Variants in ESRRG observed in about 807,000 individuals in gnomAD.
ESRRG encodes the protein estrogen related receptor gamma, also known as estrogen-related receptor gamma.
In ESRRG, 13 loss-of-function variants were observed where a neutral mutation model predicts 44.0. That is an observed-to-expected ratio of 0.30 (90% CI 0.19 to 0.47). The LOEUF (loss-of-function observed/expected upper bound fraction) is 0.47. Ranked by LOEUF, ESRRG falls within the 20% of genes least tolerant of loss-of-function variation. ESRRG has a pLI of 1.00. For missense variants in ESRRG, 395 were observed against 580.6 expected, an observed-to-expected ratio of 0.68 and a Z score of 3.29; for synonymous variants, 215 against 214.6, an observed-to-expected ratio of 1.00 and a Z score of -0.02.
At chr1:216,821,556 A>G (rs962669667) in intron 2 of ESRRG, among the ~76,000 whole-genome samples, 1 of 151,326 alleles carries the variant, frequency 6.6e-6, no homozygotes, top group Non-Finnish European at 1.5e-5. Flanking sequence ...GTAGTGGCCT[A>G]TTCCCGTAGT....
intron 1 of ESRRG, among the ~76,000 whole-genome samples, chr1:217,131,882 G>C (rs1475644186): frequency 6.6e-6 from 1 of 152,148 alleles, no homozygotes; most frequent in South Asian, 2.1e-4. Context: ...CTGGGTTTCA[G>C]GCCTCAGCTC....
intron 3 of ESRRG, among the ~76,000 whole-genome samples, chr1:216,601,439 G>A (rs1258634703): frequency 6.6e-6 from 1 of 152,200 alleles, no homozygotes; most frequent in East Asian, 1.9e-4. Context: ...TGGAGGGAGC[G>A]CATCAGAGAC....
At chr1:217,126,240 C>T (rs1265356252) in intron 1 of ESRRG, among the ~76,000 whole-genome samples, 1 of 152,112 alleles carries the variant, frequency 6.6e-6, no homozygotes, top group African/African-American at 2.4e-5. Context: ...TACCCACCCA[C>T]CCCGTAGCAC....
chr1:216,931,181 C>T (rs1262671164), intron 2 of ESRRG, among the ~76,000 whole-genome samples: 10 of 152,148 alleles, frequency 6.6e-5, no homozygotes, highest in South Asian at 2.1e-4. Flanking sequence ...ATGACATGCA[C>T]GTTTCTCCTA....
At chr1:216,987,532 G>A (rs892156396) in intron 1 of ESRRG, among the ~76,000 whole-genome samples, 3 of 152,158 alleles carry the variant, frequency 2.0e-5, no homozygotes, top group Admixed American at 1.3e-4. Flanking sequence ...AAATTTCAGG[G>A]GAAGAAGACA....
chr1:216,906,374 G>A (rs1047377728), intron 2 of ESRRG, among the ~76,000 whole-genome samples: 3 of 152,174 alleles, frequency 2.0e-5, no homozygotes, highest in African/African-American at 7.2e-5. Context: ...GACTAAGGTG[G>A]AGGGAGAGGC....
chr1:216,535,326 A>G (rs2050612395), intron 5 of ESRRG, among the ~76,000 whole-genome samples: 1 of 152,054 alleles, frequency 6.6e-6, no homozygotes, highest in South Asian at 2.1e-4. Context: ...CTCCAGACTA[A>G]ACCTTCCACT....
At chr1:216,914,789 A>G (rs1268642929) in intron 2 of ESRRG, among the ~76,000 whole-genome samples, 2 of 152,138 alleles carry the variant, frequency 1.3e-5, no homozygotes, top group Admixed American at 6.5e-5. Context: ...AATGCAGTCT[A>G]TGAAGCACTG....
chr1:216,576,041 G>T (rs1406356737), intron 3 of ESRRG, among the ~76,000 whole-genome samples: 1 of 151,958 alleles, frequency 6.6e-6, no homozygotes, highest in Non-Finnish European at 1.5e-5. Flanking sequence ...GAGACTGAGG[G>T]ATATTAATTT....
At chr1:216,793,020 A>G (rs1275143151) in intron 2 of ESRRG, among the ~76,000 whole-genome samples, 1 of 152,220 alleles carries the variant, frequency 6.6e-6, no homozygotes, top group Non-Finnish European at 1.5e-5. Flanking sequence ...GAATTTCTAT[A>G]AAACAAATTT....
At chr1:216,996,402 GAGA>G (rs1400180821) in intron 1 of ESRRG, among the ~76,000 whole-genome samples, 1 of 151,858 alleles carries the variant, frequency 6.6e-6, no homozygotes, top group African/African-American at 2.4e-5. Flanking sequence ...AGGAAAAACA[GAGA>G]AGAAGATAGG....
intron 1 of ESRRG, among the ~76,000 whole-genome samples, chr1:217,065,415 C>T (rs1441801893): frequency 6.6e-6 from 1 of 152,306 alleles, no homozygotes; most frequent in East Asian, 1.9e-4. Context: ...TAAAGGTGTT[C>T]TTGGAGAATC....
At chr1:216,968,637 G>C (rs903863055) in intron 1 of ESRRG, among the ~76,000 whole-genome samples, 3 of 149,994 alleles carry the variant, frequency 2.0e-5, no homozygotes, top group Admixed American at 2.0e-4. Flanking sequence ...GATTACTGTA[G>C]CTTTAAAGTA....
intron 3 of ESRRG, among the ~76,000 whole-genome samples, chr1:216,627,487 C>T (rs1342005943): frequency 6.6e-6 from 1 of 152,168 alleles, no homozygotes; most frequent in African/African-American, 2.4e-5. Flanking sequence ...CTGATTTTTA[C>T]AGTATGGTGC....
At chr1:217,097,131 G>T (rs557438233) in intron 1 of ESRRG, among the ~76,000 whole-genome samples, 1 of 152,172 alleles carries the variant, frequency 6.6e-6, no homozygotes, top group African/African-American at 2.4e-5. Context: ...GGGAGGATCA[G>T]GATTGCGAAT....
chr1:217,118,988 A>G (rs1385672842), intron 1 of ESRRG, among the ~76,000 whole-genome samples: 8 of 150,640 alleles, frequency 5.3e-5, no homozygotes, highest in Non-Finnish European at 1.2e-4. Context: ...GTGAGACCCT[A>G]TCTCTAGAAA....
chr1:216,762,859 A>C (rs2092871463), intron 2 of ESRRG, among the ~76,000 whole-genome samples: 1 of 152,078 alleles, frequency 6.6e-6, no homozygotes, highest in African/African-American at 2.4e-5. Flanking sequence ...TACCAATATA[A>C]GTGTAGAAGT....
chr1:216,632,444 C>A (rs193159104), intron 3 of ESRRG, among the ~76,000 whole-genome samples: 1 of 152,058 alleles, frequency 6.6e-6, no homozygotes, highest in South Asian at 2.1e-4. Context: ...TCTGACTAAG[C>A]CAAAAGGACT....
chr1:216,920,760 A>C (rs575502836), intron 2 of ESRRG, among the ~76,000 whole-genome samples: 1 of 152,328 alleles, frequency 6.6e-6, no homozygotes, highest in East Asian at 1.9e-4. Context: ...ATAACTGAAC[A>C]TCTGCCCCAG....
Sources: gnomAD v4.1 joint callset for allele counts (sites outside exome capture counted in the v4.1 genomes callset) on GRCh38, gnomAD v4.1.1 for gene constraint, MANE v1.5 for transcripts, NCBI Gene and HGNC (gene_info 2026-07-23, HGNC 2026-07-21) for gene names.